The following DHRS7 variants were observed in gnomAD, a reference collection of about 807,000 sequenced individuals.
The protein encoded by DHRS7 is dehydrogenase/reductase SDR family member 7.
DHRS7 carries 34 observed loss-of-function variants against 38.9 expected under a neutral mutation model. The observed-to-expected ratio is 0.87, with a 90% CI of 0.66 to 1.16. The LOEUF is 1.16. Among genes scored for constraint, DHRS7 ranks in the 50% most tolerant of loss-of-function variants. The pLI is 0.00. For synonymous variants in DHRS7, 158 were observed against 153.1 expected, an observed-to-expected ratio of 1.03 and a Z score of -0.24; for missense variants, 421 against 407.0, an observed-to-expected ratio of 1.03 and a Z score of -0.30.
rs772297539 is a variant in DHRS7 at position 60,153,108 on chromosome 14, T to G, written c.464A>C (p.Tyr155Ser). Residue 155 changes from tyrosine to serine, a missense_variant, in exon 4 of 7, where the codon TAC becomes TCC. Coordinates refer to ENST00000557185, the MANE Select transcript of DHRS7 (RefSeq NM_016029.4). This position sits in a 1 kb window ranked among gnomAD's most constrained non-coding sequence, Gnocchi z 4.4. Reference sequence around the variant, plus strand: ...GTAGTTAAGCTCTATTAGCTTTCTGTAGACATCCAAGCTGGTATCCATGCA... The same window carrying G: ...GTAGTTAAGCTCTATTAGCTTTCTGGAGACATCCAAGCTGGTATCCATGCA... Reference protein sequence around the residue: ...SLCMDTSLDVYRKLIELNYLG... With the variant: ...SLCMDTSLDVSRKLIELNYLG... The G allele has an allele frequency of 1.2e-6, 2 of 1,614,202 alleles. No individual in the cohort carries two copies. The highest frequency in any genetic ancestry group is 4.5e-5 in the East Asian group (2 of 44,888).
chr14:60,169,046 C>T (rs1896899698), upstream of DHRS7: 1 of 222,680 alleles, frequency 4.5e-6, no homozygotes, highest in Non-Finnish European at 8.6e-6. Context: ...TTGCAGTGAG[C>T]CGAGACTGAT....
At position 60,165,103 on chromosome 14, in the gene DHRS7, C is replaced by G; in HGVS notation, c.133+74G>C. On this transcript the variant is annotated intron_variant, in intron 1 of 6. Coordinates refer to ENST00000557185, the MANE Select transcript of DHRS7 (RefSeq NM_016029.4). This position sits in a 1 kb window ranked among gnomAD's most constrained non-coding sequence, Gnocchi z 4.6. The stretch of plus-strand genomic sequence containing the variant: ...AAGGACCCGGGATCACTGCAGAACC[C>G]CCGGAGACCCGGACACGCCTCGGCA... 6.4e-7 allele frequency: 1 copy of G among 1,569,308 alleles called. No individual in the cohort carries two copies. Among genetic ancestry groups the G allele is most frequent in the Non-Finnish European group, 8.7e-7 (1 of 1,155,092 alleles).
In DHRS7 at chr14:60,146,243, TGC is replaced by T. The variant is rs1433107201; in HGVS notation, c.973-1232_973-1231del. On this transcript the variant is annotated intron_variant, in intron 6 of 6. Coordinates refer to ENST00000557185, the MANE Select transcript of DHRS7 (RefSeq NM_016029.4). This position sits in a 1 kb window ranked among gnomAD's most constrained non-coding sequence, Gnocchi z 4.9. The stretch of plus-strand genomic sequence containing the variant: ...TAGAAAAACCTAGATGTAAAAAAAA[TGC>T]GAGATTTGCTAAATGATGTTTATAT... 3.3e-5 allele frequency: 5 copies of T among 151,908 alleles called. No homozygotes were observed. In the East Asian group the frequency reaches 9.7e-4, roughly 29 times the overall value. 9.4% of individuals were successfully genotyped at this position (151,908 alleles called of 1,614,324 possible).
intron 1 of DHRS7, among the ~76,000 whole-genome samples, chr14:60,164,168 G>A (rs1269010762): frequency 6.9e-6 from 1 of 145,500 alleles, no homozygotes; most frequent in Non-Finnish European, 1.5e-5. Flanking sequence ...ACAAACCACT[G>A]TATTACCAGA....
At position 60,148,191 on chromosome 14, in the gene DHRS7, A is replaced by G. The variant is rs1896454872; in HGVS notation, c.972+1162T>C. 1 of 152,202 alleles carries G rather than the reference A, an allele frequency of 6.6e-6. No individual in the cohort carries two copies. The highest frequency in any genetic ancestry group is 2.4e-5 in the African/African-American group (1 of 41,448). The allele number at this position is 152,202 out of a possible 1,614,324, so 9.4% of individuals were successfully genotyped here. A position where few individuals can be genotyped will look rare whatever the true frequency, so the allele number is the denominator to read the frequency against. On this transcript the variant is annotated intron_variant, in intron 6 of 6. Transcript: ENST00000557185. This position sits in a 1 kb window ranked among gnomAD's most constrained non-coding sequence, Gnocchi z 4.8. ...CCCTAATTCATTTTCACTGTCCTGC[A>G]AAGAGTTGGAATAAATTAAATGTCT...
upstream of DHRS7, among the ~76,000 whole-genome samples, chr14:60,165,798 T>C (rs937385541): frequency 1.3e-5 from 2 of 152,216 alleles, no homozygotes; most frequent in Non-Finnish European, 2.9e-5. The surrounding 1 kb of genome is among the most constrained non-coding windows in gnomAD (Gnocchi z 4.6). Flanking sequence ...CAAGCTTCAG[T>C]ATCTTTTCAT....
intron 1 of DHRS7, among the ~76,000 whole-genome samples, chr14:60,164,178 A>ATTT (rs61331316): frequency 5.9e-5 from 7 of 118,904 alleles, no homozygotes; most frequent in Non-Finnish European, 8.3e-5. Flanking sequence ...GTATTACCAG[A>ATTT]TTTTTTTTTT....
chr14:60,145,026 G>A lies in DHRS7; in HGVS notation c.973-13C>T. ...AAGAGTCTGCATCCTGTAAAAGAGG[G>A]ACAGAAACATGGATCAGTACCTACT... On this transcript the variant is annotated splice_polypyrimidine_tract_variant and intron_variant, in intron 6 of 6. Transcript: ENST00000557185. This position sits in a 1 kb window ranked among gnomAD's most constrained non-coding sequence, Gnocchi z 4.0. 1 of 1,574,072 alleles carries A rather than the reference G, an allele frequency of 6.4e-7. No individual in the cohort carries two copies. Among genetic ancestry groups the A allele is most frequent in the Non-Finnish European group, 8.6e-7 (1 of 1,166,030 alleles).
At chr14:60,168,576 A>G (rs532549911), upstream of DHRS7, 1 of 1,267,302 alleles carries the variant, frequency 7.9e-7, no homozygotes, top group African/African-American at 1.5e-5. Context: ...TAATCATTTT[A>G]AAGTAAAAAG....
At chr14:60,158,957 A>C (rs556496590) in intron 1 of DHRS7, 1 of 283,470 alleles carries the variant, frequency 3.5e-6, no homozygotes, top group South Asian at 3.9e-5. Context: ...GAAGAAATCA[A>C]ACTTCTGGTG....
upstream of DHRS7, among the ~76,000 whole-genome samples, chr14:60,166,910 C>T (rs185596629): frequency 6.7e-6 from 1 of 150,360 alleles, no homozygotes; most frequent in Admixed American, 6.6e-5. Flanking sequence ...TTGAATTCTC[C>T]TTTCCTTGAA....
At chr14:60,167,250 C>G (rs1481042594), upstream of DHRS7, among the ~76,000 whole-genome samples, 2 of 152,222 alleles carry the variant, frequency 1.3e-5, no homozygotes, top group Non-Finnish European at 2.9e-5. Context: ...TATACACCTA[C>G]TGTGTACCCA....
At chr14:60,169,148 A>C (rs1403587345), upstream of DHRS7, 1 of 151,604 alleles carries the variant, frequency 6.6e-6, no homozygotes, top group Non-Finnish European at 1.5e-5. Context: ...AAAAAAAAAA[A>C]AAAAAAAAAA....
rs1896491624 is a variant in DHRS7 at position 60,149,547 on chromosome 14, G to A, written c.778C>T (p.Gln260Ter). The A allele has an allele frequency of 1.2e-6, 2 of 1,612,486 alleles. No individual in the cohort carries two copies. The highest frequency in any genetic ancestry group is 2.2e-5 in the South Asian group (2 of 90,934). The change falls in exon 6 of 7, where the codon CAG (glutamine) becomes TAG (stop). Residue 260 changes from glutamine (Q) to a stop codon, truncating the protein, a stop_gained. Coordinates refer to ENST00000557185, the MANE Select transcript of DHRS7 (RefSeq NM_016029.4). LOFTEE classifies it high-confidence loss of function. ...VTKTIGNNGDQSHKMTTSRCV... is the reference protein window; with the variant it reads ...VTKTIGNNGD ...CGACTGGTTGTCATCTTGTGGGACT[G>A]GTCTCCATTATTGCCTATAGTCTAA...
chr14:60,147,446 A>T (rs1332529642), intron 6 of DHRS7: 1 of 152,198 alleles, frequency 6.6e-6, no homozygotes, highest in Non-Finnish European at 1.5e-5. Flanking sequence ...TGATTGTGGT[A>T]ATCATTTTAC....
At position 60,161,871 on chromosome 14, in the gene DHRS7, T is replaced by C. The variant is rs1364966516; in HGVS notation, c.133+3306A>G. ...GTCAGGAGACATCTGTTGTTTGCAG[T>C]TGTTGCTTCAGACACTGAGGTCTAC... is the stretch of plus-strand genomic sequence containing the variant. On this transcript the variant is annotated intron_variant, in intron 1 of 6. Transcript: ENST00000557185. This position sits in a 1 kb window ranked among gnomAD's most constrained non-coding sequence, Gnocchi z 4.2. 6.6e-5 allele frequency among the ~76,000 whole-genome samples: 10 copies of C among 152,136 alleles called. No homozygotes were observed. Among genetic ancestry groups the C allele is most frequent in the Admixed American group, 5.9e-4 (9 of 15,270 alleles).
At position 60,149,404 on chromosome 14, in the gene DHRS7, C is replaced by A. The variant is rs766709468; in HGVS notation, c.921G>T (p.Trp307Cys). ...TTTTCTTCCCCATCTTGTTGGTTATCCACCAGGCCCAGGTTGGCATGTATT... is the reference window on the plus strand; with the variant it reads ...TTTTCTTCCCCATCTTGTTGGTTATACACCAGGCCCAGGTTGGCATGTATT... ...LWQYMPTWAW[W>C]ITNKMGKKRI... The change falls in exon 6 of 7, where the codon TGG (tryptophan) becomes TGT (cysteine). Residue 307 changes from tryptophan (W) to cysteine (C), a missense_variant. Trp to Cys is a radical substitution (Grantham distance 215). Coordinates refer to ENST00000557185, the MANE Select transcript of DHRS7 (RefSeq NM_016029.4). 1.2e-5 allele frequency: 19 copies of A among 1,614,174 alleles called. No homozygotes were observed. The highest frequency in any genetic ancestry group is 3.3e-4 in the Middle Eastern group (2 of 6,062).
intron 4 of DHRS7, chr14:60,152,629 A>C: frequency 3.0e-6 from 1 of 333,862 alleles, no homozygotes; most frequent in South Asian, 4.0e-5. Context: ...GTGAAGAGTA[A>C]CATGTTAAAT....
upstream of DHRS7, chr14:60,166,175 A>G (rs528950853): frequency 9.3e-6 from 9 of 963,000 alleles, no homozygotes; most frequent in East Asian, 9.2e-4. Context: ...CCTTCAAAAC[A>G]TTTAATTGCT....
Sources: gnomAD v4.1 joint callset for allele counts (sites outside exome capture counted in the v4.1 genomes callset) on GRCh38, gnomAD v4.1.1 for gene constraint, Gnocchi (gnomAD v3.1) non-coding constraint, MANE v1.5 for transcripts, NCBI Gene and HGNC (gene_info 2026-07-23, HGNC 2026-07-21) for gene names.